The following TLR7 variants were observed in gnomAD, a reference collection of about 807,000 sequenced individuals.
The protein encoded by TLR7 is toll like receptor 7.
In TLR7, 12 loss-of-function variants were observed where a neutral mutation model predicts 38.3. The ratio of observed to expected loss-of-function variants is 0.31; its 90% confidence interval spans 0.20 to 0.51. The LOEUF (loss-of-function observed/expected upper bound fraction) is 0.51. TLR7 is among the 20% of genes least tolerant of loss of function. The pLI, the probability that TLR7 is intolerant of heterozygous loss-of-function variation, is 0.98. For missense variants in TLR7, 504 were observed against 743.4 expected, an observed-to-expected ratio of 0.68 and a Z score of 3.74; for synonymous variants, 285 against 293.8, an observed-to-expected ratio of 0.97 and a Z score of 0.31.
chrX:12,884,067 A>G (rs2042901878), intron 2 of TLR7, among the ~76,000 whole-genome samples: 1 of 111,172 alleles, frequency 9.0e-6, no homozygotes, highest in African/African-American at 3.3e-5. Context: ...GCAACCTCAA[A>G]CTCTTGGGCT....
At chrX:12,881,981 T>G (rs1473591872) in intron 2 of TLR7, among the ~76,000 whole-genome samples, 1 of 111,731 alleles carries the variant, frequency 9.0e-6, no homozygotes, top group Non-Finnish European at 1.9e-5. Flanking sequence ...GATGTGTCAC[T>G]TGAATAGGCA....
At chrX:12,879,681 G>A (rs866679136) in intron 2 of TLR7, among the ~76,000 whole-genome samples, 2 of 111,726 alleles carry the variant, frequency 1.8e-5, no homozygotes, top group Non-Finnish European at 1.9e-5. Context: ...CTGCCCCACC[G>A]TTTAAGGACA....
Position 12,888,611 on chromosome X carries a change from A to G in TLR7, c.3103A>G (p.Thr1035Ala), listed in dbSNP as rs2042919608. Residue 1035 changes from threonine to alanine, a missense_variant, in exon 3 of 3, where the codon ACA (threonine) becomes GCA (alanine). Coordinates refer to ENST00000380659, the MANE Select transcript of TLR7 (RefSeq NM_016562.4). Reference sequence around the variant, plus strand: ...GCAGTGTCTAAAGAACGCCCTGGCCACAGACAATCATGTGGCCTATAGTCA... The same window carrying G: ...GCAGTGTCTAAAGAACGCCCTGGCCGCAGACAATCATGTGGCCTATAGTCA... Reference protein sequence around the residue: ...FWQCLKNALATDNHVAYSQVF... With the variant: ...FWQCLKNALAADNHVAYSQVF... The G allele has an allele frequency of 1.7e-6, 2 of 1,211,325 alleles. No homozygotes were observed. Among genetic ancestry groups the G allele is most frequent in the East Asian group, 5.9e-5 (2 of 33,869 alleles).
chrX:12,883,730 C>T (rs1410089893), intron 2 of TLR7, among the ~76,000 whole-genome samples: 1 of 110,641 alleles, frequency 9.0e-6, no homozygotes, highest in Non-Finnish European at 1.9e-5. Context: ...ATAGAGGGAT[C>T]TCAGCTGATA....
chrX:12,884,307 C>T (rs944256515), intron 2 of TLR7, among the ~76,000 whole-genome samples: 1 of 112,002 alleles, frequency 8.9e-6, no homozygotes, highest in East Asian at 2.8e-4. Flanking sequence ...TCTTAGATAA[C>T]AACATGATTG....
chrX:12,879,910 A>G (rs1041354288), intron 2 of TLR7, among the ~76,000 whole-genome samples: 20 of 112,063 alleles, frequency 1.8e-4, no homozygotes, highest in Non-Finnish European at 3.8e-5. Flanking sequence ...GGGGATAAAA[A>G]AGAATTGAGA....
chrX:12,870,434 GTTA>G (rs2042848401), intron 2 of TLR7, among the ~76,000 whole-genome samples: 1 of 112,025 alleles, frequency 8.9e-6, no homozygotes, highest in African/African-American at 3.2e-5. Flanking sequence ...CTAAAAAAAG[GTTA>G]TTAAGTAATC....
At chrX:12,884,271 C>T (rs1394999691) in intron 2 of TLR7, among the ~76,000 whole-genome samples, 2 of 112,243 alleles carry the variant, frequency 1.8e-5, no homozygotes, top group African/African-American at 6.5e-5. Flanking sequence ...TGAGCCACCA[C>T]ATCTGGTGGA....
intron 2 of TLR7, among the ~76,000 whole-genome samples, chrX:12,869,964 C>T (rs752905816): frequency 9.2e-6 from 1 of 108,947 alleles, no homozygotes; most frequent in African/African-American, 3.3e-5. Flanking sequence ...CCTAAGAAAG[C>T]ACTCATGGTA....
Position 12,887,952 on chromosome X carries a change from TGG to T in TLR7, c.2447_2448del (p.Gly816AlafsTer18). The T allele has an allele frequency of 8.3e-7, 1 of 1,211,791 alleles. No individual in the cohort carries two copies. The highest frequency in any genetic ancestry group is 1.1e-6 in the Non-Finnish European group (1 of 895,480). On this transcript the variant is annotated frameshift_variant, in exon 3 of 3. Transcript: ENST00000380659. LOFTEE classifies it high-confidence loss of function. ...TACCTGGCCACAGATGTGACTTGTG[TGG>T]GGCCAGGAGCACACAAGGGCCAAAG...
intron 2 of TLR7, among the ~76,000 whole-genome samples, chrX:12,872,304 C>T (rs1192613461): frequency 9.0e-6 from 1 of 111,727 alleles, no homozygotes; most frequent in Non-Finnish European, 1.9e-5. Context: ...GCAGCTCTCC[C>T]ACAGGGTCTC....
chrX:12,876,403 A>G (rs1009165212), intron 2 of TLR7, among the ~76,000 whole-genome samples: 1 of 112,809 alleles, frequency 8.9e-6, no homozygotes, highest in Non-Finnish European at 1.9e-5. Flanking sequence ...GCAGACACAC[A>G]TTATACCAAG....
At chrX:12,874,474 A>G (rs2042863996) in intron 2 of TLR7, among the ~76,000 whole-genome samples, 1 of 111,922 alleles carries the variant, frequency 8.9e-6, no homozygotes, top group African/African-American at 3.2e-5. Flanking sequence ...TTGAAACAGC[A>G]GCAGCCTGAG....
rs1451995839 is a variant in TLR7 at position 12,886,963 on chromosome X, G to T, written c.1455G>T (p.Met485Ile). Residue 485 changes from methionine (M) to isoleucine (I), a missense_variant, in exon 3 of 3, where the codon ATG becomes ATT. Transcript: ENST00000380659. ...CRFKNKEASF[M>I]SVNESCYKYG... ...TCAAAAACAAAGAGGCTTCTTTCAT[G>T]TCTGTTAATGAAAGCTGCTACAAGT... 1 of 1,209,798 alleles carries T rather than the reference G, an allele frequency of 8.3e-7. No homozygotes were observed. The highest frequency in any genetic ancestry group is 1.7e-5 in the African/African-American group (1 of 57,283).
chrX:12,882,455 G>A (rs5743770), intron 2 of TLR7, among the ~76,000 whole-genome samples: 2,270 of 109,411 alleles, frequency 0.021, 58 homozygotes, highest in African/African-American at 0.071. Context: ...ATAAGTGGGG[G>A]GCGGGGGAGG....
intron 2 of TLR7, among the ~76,000 whole-genome samples, chrX:12,871,796 A>G (rs976015165): frequency 9.0e-6 from 1 of 111,401 alleles, no homozygotes; most frequent in Non-Finnish European, 1.9e-5. Flanking sequence ...TTAGTTGGGT[A>G]AAAGAGTAGA....
At chrX:12,868,426 C>G (rs1028352996) in intron 2 of TLR7, among the ~76,000 whole-genome samples, 3 of 111,575 alleles carry the variant, frequency 2.7e-5, no homozygotes, top group Non-Finnish European at 5.7e-5. Context: ...AAGGCCGAAG[C>G]CTAGGGGTGT....
Position 12,888,780 on chromosome X carries a change from A to G in TLR7, c.*122A>G. 1.2e-6 allele frequency: 1 copy of G among 813,442 alleles called. No homozygotes were observed. The highest frequency in any genetic ancestry group is 3.6e-5 in the Admixed American group (1 of 27,906). 67.0% of individuals were successfully genotyped at this position (813,442 alleles called of 1,213,427 possible). A position where few individuals can be genotyped will look rare whatever the true frequency, so the allele number is the denominator to read the frequency against. ...TTCTTCAAGAAATGAGATTGCCCAT[A>G]TTTCAGGGGAGCCACCAACGTCTGT... is the stretch of plus-strand genomic sequence containing the variant. On this transcript the variant is annotated 3_prime_UTR_variant, in exon 3 of 3. Transcript: ENST00000380659.
Position 12,887,405 on chromosome X carries a change from G to C in TLR7, c.1897G>C (p.Val633Leu). Residue 633 changes from valine to leucine, a missense_variant, in exon 3 of 3, where the codon GTT becomes CTT. Physicochemically the swap from Val to Leu is conservative, Grantham distance 32. Coordinates refer to ENST00000380659, the MANE Select transcript of TLR7 (RefSeq NM_016562.4). ...GGAATTCAGAGGAAATCACTTAGAT[G>C]TTTTATGGAGAGAAGGTGATAACAG... Reference protein sequence around the residue: ...TLEFRGNHLDVLWREGDNRYL... With the variant: ...TLEFRGNHLDLLWREGDNRYL... The C allele has an allele frequency of 8.3e-7, 1 of 1,210,131 alleles. No homozygotes were observed. The highest frequency in any genetic ancestry group is 1.1e-6 in the Non-Finnish European group (1 of 894,084).
Sources: allele counts gnomAD v4.1 joint callset (sites outside exome capture counted in the v4.1 genomes callset), GRCh38; gene constraint gnomAD v4.1.1; transcripts MANE v1.5; gene names NCBI Gene and HGNC (gene_info 2026-07-23, HGNC 2026-07-21).